The following B3GALT1 variants were observed in gnomAD, a reference collection of about 807,000 sequenced individuals.
The protein encoded by B3GALT1 is beta-1,3-galactosyltransferase 1.
In B3GALT1, 10 loss-of-function variants were observed where a neutral mutation model predicts 23.2. The observed-to-expected ratio is 0.43, with a 90% CI of 0.27 to 0.73. The LOEUF (loss-of-function observed/expected upper bound fraction) is 0.73. Ranked by LOEUF, B3GALT1 falls within the 30% of genes least tolerant of loss-of-function variation. The pLI, the probability that B3GALT1 is intolerant of heterozygous loss-of-function variation, is 0.21. For missense variants in B3GALT1, 299 were observed against 405.4 expected, an observed-to-expected ratio of 0.74 and a Z score of 2.25; for synonymous variants, 156 against 141.5, an observed-to-expected ratio of 1.10 and a Z score of -0.73.
At chr2:167,512,592 G>GTGTATATATA (rs1700032951) in intron 2 of B3GALT1, among the ~76,000 whole-genome samples, 1 of 39,608 alleles carries the variant, frequency 2.5e-5, no homozygotes, top group African/African-American at 1.9e-4. Context: ...ATATATATAT[G>GTGTATATATA]TGTATATATA....
intron 3 of B3GALT1, among the ~76,000 whole-genome samples, chr2:167,679,188 G>T (rs539733896): frequency 6.6e-6 from 1 of 151,030 alleles, no homozygotes; most frequent in African/African-American, 2.4e-5. Context: ...GCAAAATCTC[G>T]GCTCACCGCA....
At position 167,326,211 on chromosome 2, in the gene B3GALT1, C is replaced by T. The variant is rs1227259556; in HGVS notation, c.-511+32877C>T. On this transcript the variant is annotated intron_variant, in intron 1 of 4. Coordinates refer to ENST00000392690, the MANE Select transcript of B3GALT1 (RefSeq NM_020981.4). ...TTGAGTTTTTTTTTTTTTCAGTATA[C>T]TTGCTGGCCATTCATATGTCTTCTT... 2.1e-5 allele frequency among the ~76,000 whole-genome samples: 3 copies of T among 146,302 alleles called. 1 individual carries two copies. Among genetic ancestry groups the T allele is most frequent in the Non-Finnish European group, 4.5e-5 (3 of 66,856 alleles).
chr2:167,327,389 A>G (rs750721734), intron 1 of B3GALT1, among the ~76,000 whole-genome samples: 2 of 152,120 alleles, frequency 1.3e-5, no homozygotes, highest in African/African-American at 4.8e-5. Context: ...CCATGAATAT[A>G]GGATGTCTTT....
chr2:167,516,824 G>T (rs1310227743), intron 2 of B3GALT1, among the ~76,000 whole-genome samples: 6 of 151,796 alleles, frequency 4.0e-5, no homozygotes, highest in African/African-American at 1.5e-4. Flanking sequence ...ATCATACTTA[G>T]TTAGCATTCC....
At chr2:167,490,710 C>A (rs1699696343) in intron 2 of B3GALT1, among the ~76,000 whole-genome samples, 1 of 152,192 alleles carries the variant, frequency 6.6e-6, no homozygotes, top group Non-Finnish European at 1.5e-5. Flanking sequence ...CATCTGTAAA[C>A]ACTTGTGTTG....
At chr2:167,363,016 C>T (rs1005515821) in intron 1 of B3GALT1, among the ~76,000 whole-genome samples, 3 of 151,804 alleles carry the variant, frequency 2.0e-5, no homozygotes, top group South Asian at 4.2e-4. Context: ...TCACCACGCC[C>T]GGCTAATTTT....
intron 3 of B3GALT1, among the ~76,000 whole-genome samples, chr2:167,697,355 C>G (rs1411904158): frequency 6.6e-6 from 1 of 152,168 alleles, no homozygotes; most frequent in African/African-American, 2.4e-5. Flanking sequence ...ATCCTAGCAT[C>G]AAAGCTCCAC....
chr2:167,585,923 A>G (rs1282861111), intron 2 of B3GALT1, among the ~76,000 whole-genome samples: 2 of 152,230 alleles, frequency 1.3e-5, no homozygotes, highest in African/African-American at 4.8e-5. Context: ...AAGAACGTAT[A>G]TGTATCCATT....
At chr2:167,625,693 A>G (rs923712473) in intron 2 of B3GALT1, among the ~76,000 whole-genome samples, 1 of 151,586 alleles carries the variant, frequency 6.6e-6, no homozygotes, top group African/African-American at 2.4e-5. Flanking sequence ...TGCAAACTAT[A>G]CTTTCTCTGC....
intron 3 of B3GALT1, among the ~76,000 whole-genome samples, chr2:167,807,550 T>G (rs972372629): frequency 2.6e-5 from 4 of 151,894 alleles, no homozygotes; most frequent in Non-Finnish European, 5.9e-5. Context: ...ACATCTTTAT[T>G]TCTGCCTTCA....
At chr2:167,342,057 A>T (rs919895658) in intron 1 of B3GALT1, among the ~76,000 whole-genome samples, 4 of 152,170 alleles carry the variant, frequency 2.6e-5, no homozygotes, top group Admixed American at 6.5e-5. Context: ...TTATATTGAG[A>T]CTCAGCAGAG....
At chr2:167,716,059 C>A in intron 3 of B3GALT1, 1 of 1,588,212 alleles carries the variant, frequency 6.3e-7, no homozygotes, top group Middle Eastern at 2.2e-4. Context: ...GCGCCGGGCT[C>A]CTCCATAGCG....
chr2:167,662,162 A>G lies in B3GALT1; in HGVS notation c.-352+15196A>G, dbSNP rs115942940. Among the ~76,000 whole-genome samples, 934 of 152,226 alleles carry G rather than the reference A, an allele frequency of 6.1e-3. 10 individuals carry two copies. The highest frequency in any genetic ancestry group is 0.021 in the African/African-American group (891 of 41,556). On this transcript the variant is annotated intron_variant, in intron 3 of 4. Coordinates refer to ENST00000392690, the MANE Select transcript of B3GALT1 (RefSeq NM_020981.4). ...ATTCTGTGGTATAATTCAAATAAAA[A>G]TATTGTTATAATAACATTATTGTTG...
chr2:167,518,555 G>A (rs189755386), intron 2 of B3GALT1, among the ~76,000 whole-genome samples: 2 of 152,234 alleles, frequency 1.3e-5, no homozygotes, highest in Non-Finnish European at 2.9e-5. Context: ...AAATCATTTG[G>A]TAAGAATTCA....
chr2:167,415,899 G>A (rs980612592), intron 1 of B3GALT1, among the ~76,000 whole-genome samples: 2 of 152,110 alleles, frequency 1.3e-5, no homozygotes, highest in African/African-American at 4.8e-5. Context: ...TACCTAAGCA[G>A]CAAACCATTC....
chr2:167,359,639 A>G (rs182335002), intron 1 of B3GALT1, among the ~76,000 whole-genome samples: 2 of 152,304 alleles, frequency 1.3e-5, no homozygotes, highest in East Asian at 1.9e-4. Context: ...TTTTAATCCA[A>G]GTTTGAATAC....
At chr2:167,455,631 G>A (rs1389779840) in intron 1 of B3GALT1, among the ~76,000 whole-genome samples, 1 of 152,100 alleles carries the variant, frequency 6.6e-6, no homozygotes, top group Non-Finnish European at 1.5e-5. Context: ...TCCTGCCTCA[G>A]CCTCCCAAGT....
chr2:167,349,717 A>C (rs1697280728), intron 1 of B3GALT1, among the ~76,000 whole-genome samples: 1 of 152,178 alleles, frequency 6.6e-6, no homozygotes, highest in Non-Finnish European at 1.5e-5. Context: ...ATGTGTTCTG[A>C]TTAATGGCAA....
rs188326918 is a variant in B3GALT1 at position 167,653,376 on chromosome 2, C to T, written c.-352+6410C>T. Among the ~76,000 whole-genome samples the T allele has an allele frequency of 1.7e-3, 262 of 152,154 alleles. 1 individual carries two copies. Among genetic ancestry groups the T allele is most frequent in the African/African-American group, 6.1e-3 (255 of 41,524 alleles). ...CTTATATATAGCAGTTTTAAAACCC[C>T]GAAAATTCCATGAGTTCTTTTGTTA... On this transcript the variant is annotated intron_variant, in intron 3 of 4. Coordinates refer to ENST00000392690, the MANE Select transcript of B3GALT1 (RefSeq NM_020981.4).
Sources: gnomAD v4.1 joint callset for allele counts (sites outside exome capture counted in the v4.1 genomes callset) on GRCh38, gnomAD v4.1.1 for gene constraint, MANE v1.5 for transcripts, NCBI Gene and HGNC (gene_info 2026-07-23, HGNC 2026-07-21) for gene names.